Variants in ZMIZ1 observed in about 807,000 individuals in gnomAD.
ZMIZ1 encodes the protein zinc finger MIZ-type containing 1.
A neutral mutation model predicts 113.9 loss-of-function variants in ZMIZ1; 17 were observed. That is an observed-to-expected ratio of 0.15 (90% CI 0.10 to 0.22). The LOEUF (loss-of-function observed/expected upper bound fraction) is 0.22, where lower values mean the gene tolerates loss of function less well. Among genes scored for constraint, ZMIZ1 ranks in the 10% least tolerant of loss-of-function variants. The pLI is 1.00. For synonymous variants in ZMIZ1, 607 were observed against 603.1 expected, an observed-to-expected ratio of 1.01 and a Z score of -0.09; for missense variants, 1,059 against 1,477.8, an observed-to-expected ratio of 0.72 and a Z score of 4.65.
Position 79,300,876 on chromosome 10 carries a change from G to T in ZMIZ1, c.1953G>T (p.Leu651=). 1 of 1,613,270 alleles carries T rather than the reference G, an allele frequency of 6.2e-7. No individual in the cohort carries two copies. Residue 651 remains leucine (L), a synonymous_variant, in exon 17 of 25, where the codon CTG becomes CTT. Coordinates refer to ENST00000334512, the MANE Select transcript of ZMIZ1 (RefSeq NM_020338.4). ...RGDNKTSHKP[L]HLKHVCQPGR... is the part of the protein sequence containing the mutation. ...ACAACAAGACCTCCCACAAGCCCCT[G>T]CACCTGAAGCACGTGTGCCAGCCGG...
intron 1 of ZMIZ1, among the ~76,000 whole-genome samples, chr10:79,092,379 G>T (rs1010262222): frequency 6.6e-6 from 1 of 152,234 alleles, no homozygotes; most frequent in African/African-American, 2.4e-5. Context: ...TTACCAACAA[G>T]CCATGTGATC....
intron 8 of ZMIZ1, among the ~76,000 whole-genome samples, chr10:79,278,977 G>A (rs1041142612): frequency 3.6e-4 from 55 of 152,206 alleles, no homozygotes; most frequent in African/African-American, 1.2e-3. Context: ...GGGTGGTGGC[G>A]GGGCAGAGGG....
At chr10:79,305,706 C>T in intron 21 of ZMIZ1, 105 bp downstream of exon 21, 2 of 1,199,968 alleles carry the variant, frequency 1.7e-6, no homozygotes, top group South Asian at 2.4e-5. Context: ...CCTCCCAGGC[C>T]AGCAGACCGT....
chr10:79,255,863 C>G (rs751324657), intron 7 of ZMIZ1, among the ~76,000 whole-genome samples: 30 of 152,268 alleles, frequency 2.0e-4, no homozygotes, highest in Non-Finnish European at 3.2e-4. Context: ...CATACAATTA[C>G]AGCCTGAACC....
At chr10:79,280,632 C>T (rs1050561445) in intron 8 of ZMIZ1, among the ~76,000 whole-genome samples, 7 of 151,744 alleles carry the variant, frequency 4.6e-5, no homozygotes, top group Admixed American at 3.3e-4. Context: ...CGTCTTGGTC[C>T]CTACCCACTC....
chr10:79,263,291 C>G (rs1851378227), intron 7 of ZMIZ1, among the ~76,000 whole-genome samples: 2 of 152,194 alleles, frequency 1.3e-5, no homozygotes, highest in South Asian at 4.1e-4. Flanking sequence ...AACGAATAGC[C>G]TTCTGAGTTT....
intron 4 of ZMIZ1, among the ~76,000 whole-genome samples, chr10:79,163,403 A>G (rs1336223807): frequency 6.6e-6 from 1 of 152,264 alleles, no homozygotes; most frequent in Non-Finnish European, 1.5e-5. Flanking sequence ...CTCATCTGAA[A>G]ATGAGGCTGA....
At chr10:79,294,093 C>G (rs1403756195) in intron 12 of ZMIZ1, 1 of 226,744 alleles carries the variant, frequency 4.4e-6, no homozygotes, top group African/African-American at 2.2e-5. Flanking sequence ...AAGGGCTGAC[C>G]CGTCCGGGAA....
Position 79,230,593 on chromosome 10 carries a change from T to G in ZMIZ1, c.280+14319T>G, listed in dbSNP as rs1849355412. Among the ~76,000 whole-genome samples, 3 of 152,204 alleles carry G rather than the reference T, an allele frequency of 2.0e-5. No individual in the cohort carries two copies. In the South Asian group the frequency reaches 6.2e-4, roughly 32 times the overall value. On this transcript the variant is annotated intron_variant, in intron 7 of 24. Coordinates refer to ENST00000334512, the MANE Select transcript of ZMIZ1 (RefSeq NM_020338.4). ...CCCGCCTGTGTGCAGGGTCCATGTCTGTTCAAAAGGGTCTCAGAAGAGAGA... is the reference window on the plus strand; with the variant it reads ...CCCGCCTGTGTGCAGGGTCCATGTCGGTTCAAAAGGGTCTCAGAAGAGAGA...
chr10:79,307,445 C>T lies in ZMIZ1; in HGVS notation c.2709C>T (p.His903=), dbSNP rs1240254783. Residue 903 remains histidine, a synonymous_variant, in exon 23 of 25, where the codon CAC becomes CAT. Coordinates refer to ENST00000334512, the MANE Select transcript of ZMIZ1 (RefSeq NM_020338.4). ...GCCATGGCAACTTTGACTTCCCCCA[C>T]GGGAACCCTGGAGGGACATCCATGA... is the stretch of plus-strand genomic sequence containing the variant. ...YQGHGNFDFP[H]GNPGGTSMND... 11 of 1,613,104 alleles carry T rather than the reference C, an allele frequency of 6.8e-6. No homozygotes were observed. Among genetic ancestry groups the T allele is most frequent in the South Asian group, 3.3e-5 (3 of 91,018 alleles).
chr10:79,279,033 C>T (rs1015687775), intron 8 of ZMIZ1, among the ~76,000 whole-genome samples: 6 of 151,224 alleles, frequency 4.0e-5, no homozygotes, highest in Non-Finnish European at 8.9e-5. Flanking sequence ...GCGCCACCCA[C>T]GTCCCAGACG....
chr10:79,203,420 A>G (rs958749780), intron 5 of ZMIZ1, among the ~76,000 whole-genome samples: 1 of 152,162 alleles, frequency 6.6e-6, no homozygotes, highest in African/African-American at 2.4e-5. Flanking sequence ...ACCAGACGCC[A>G]AGACTCCCTC....
At chr10:79,267,093 G>T (rs1851652678) in intron 7 of ZMIZ1, among the ~76,000 whole-genome samples, 1 of 152,242 alleles carries the variant, frequency 6.6e-6, no homozygotes, top group Admixed American at 6.5e-5. Context: ...GAAGGGGTCT[G>T]CCTAGACCAG....
rs1266321461 is a variant in ZMIZ1 at position 79,292,230 on chromosome 10, T to G, written c.831T>G (p.Thr277=). 1.2e-6 allele frequency: 2 copies of G among 1,612,406 alleles called. No individual in the cohort carries two copies. Among genetic ancestry groups the G allele is most frequent in the South Asian group, 2.2e-5 (2 of 90,994 alleles). Reference sequence around the variant, plus strand: ...ACACCAGGCCGCCTGCTGACTTCACTCAGCCCGCGGCAGCCGCTGCAGCAG... The same window carrying G: ...ACACCAGGCCGCCTGCTGACTTCACGCAGCCCGCGGCAGCCGCTGCAGCAG... ...PPHTRPPADF[T]QPAAAAAAAA... The change falls in exon 11 of 25, where the codon ACT becomes ACG. Residue 277 remains threonine, a synonymous_variant. Transcript: ENST00000334512.
Position 79,296,532 on chromosome 10 carries a change from A to C in ZMIZ1, c.1292A>C (p.Tyr431Ser). Residue 431 changes from tyrosine (Y) to serine (S), a missense_variant, in exon 13 of 25, where the codon TAC becomes TCC. Around this residue, in one of 6 missense-constraint regions of ZMIZ1, gnomAD observed 239 missense variants for 247.5 expected, o/e 0.97. Transcript: ENST00000334512. The surrounding 1 kb of genome is among the most constrained non-coding windows in gnomAD (Gnocchi z 4.1). The part of the protein sequence containing the change: ...NSQFPTQPGQ[Y>S]PAPNPPRPLT... ...CAGTTCCCCACCCAGCCAGGCCAGT[A>C]CCCAGCCCCCAACCCCCCGAGGCCA... 1 of 1,613,298 alleles carries C rather than the reference A, an allele frequency of 6.2e-7. No individual in the cohort carries two copies. The highest frequency in any genetic ancestry group is 8.5e-7 in the Non-Finnish European group (1 of 1,179,590).
chr10:79,082,794 C>A (rs748072739), intron 1 of ZMIZ1, among the ~76,000 whole-genome samples: 1 of 152,192 alleles, frequency 6.6e-6, no homozygotes, highest in African/African-American at 2.4e-5. Context: ...GGCCCTGCGT[C>A]ACTTCCAGTT....
chr10:79,227,643 A>C (rs1289481738), intron 7 of ZMIZ1, among the ~76,000 whole-genome samples: 1 of 152,202 alleles, frequency 6.6e-6, no homozygotes, highest in Admixed American at 6.5e-5. Flanking sequence ...ATGCGTGAGA[A>C]ATTTTATTCC....
intron 12 of ZMIZ1, chr10:79,294,822 T>C (rs1288649054): frequency 6.6e-6 from 1 of 152,170 alleles, no homozygotes; most frequent in Non-Finnish European, 1.5e-5. Context: ...ACAGCGGCTT[T>C]AGATTCCAAA....
At chr10:79,260,203 C>T (rs1241297088) in intron 7 of ZMIZ1, among the ~76,000 whole-genome samples, 2 of 152,342 alleles carry the variant, frequency 1.3e-5, no homozygotes, top group Admixed American at 1.3e-4. Flanking sequence ...CACCTGTGTG[C>T]CAGGTATTGT....
Sources: gnomAD v4.1 joint callset for allele counts (sites outside exome capture counted in the v4.1 genomes callset) on GRCh38, gnomAD v4.1.1 for gene constraint, gnomAD v4.1.1 regional missense constraint, Gnocchi (gnomAD v3.1) non-coding constraint, MANE v1.5 for transcripts, NCBI Gene and HGNC (gene_info 2026-07-23, HGNC 2026-07-21) for gene names.